CCDC9B: variants seen among roughly 807,000 people sequenced by gnomAD.
The protein encoded by CCDC9B is coiled-coil domain-containing protein 9B.
A neutral mutation model predicts 47.2 loss-of-function variants in CCDC9B; 40 were observed. That is an observed-to-expected ratio of 0.85 (90% CI 0.66 to 1.10). CCDC9B has a LOEUF of 1.10. CCDC9B is among the 50% of genes least tolerant of loss of function. The probability of loss-of-function intolerance (pLI) is 0.00; values close to 1 mark genes in which losing one functional copy is unlikely to be tolerated. For missense variants in CCDC9B, 662 were observed against 651.0 expected (o/e 1.02, Z -0.18); for synonymous variants, 238 against 250.7 (o/e 0.95, Z 0.48).
Position 40,335,567 on chromosome 15 carries a change from T to G in CCDC9B, c.1064A>C (p.Glu355Ala). 1 of 1,502,134 alleles carries G rather than the reference T, an allele frequency of 6.7e-7. No individual in the cohort carries two copies. Among genetic ancestry groups the G allele is most frequent in the Non-Finnish European group, 8.9e-7 (1 of 1,124,596 alleles). 93.1% of individuals were successfully genotyped at this position (1,502,134 alleles called of 1,614,324 possible). Reference protein sequence around the residue: ...ALASPEGPKGESVASTASSVP... With the variant: ...ALASPEGPKGASVASTASSVP... ...TGAGCTGGCTGTGGAAGCCACTGACTCCCCCTTCGGCCCCTCTGGGGATGC... is the reference window on the plus strand; with the variant it reads ...TGAGCTGGCTGTGGAAGCCACTGACGCCCCCTTCGGCCCCTCTGGGGATGC... Residue 355 changes from glutamate (E) to alanine (A), a missense_variant, in exon 11 of 11, where the codon GAG (glutamate) becomes GCG (alanine). Glu to Ala is a moderately radical substitution (Grantham distance 107, BLOSUM62 -1). Coordinates refer to ENST00000397536, the MANE Select transcript of CCDC9B (RefSeq NM_207380.3).
chr15:40,337,377 T>C lies in CCDC9B; in HGVS notation c.742+11A>G, dbSNP rs749800945. On this transcript the variant is annotated intron_variant, in intron 7 of 10. Transcript: ENST00000397536. ...CCAAGGAGGGGAGGGATGAGGTAGG[T>C]GTGGGCTCACCCCTTCTGCTGCCTG... 2 of 1,610,954 alleles carry C rather than the reference T, an allele frequency of 1.2e-6. No individual in the cohort carries two copies.
rs768534388 is a variant in CCDC9B, at chr15:40,337,843, G to C, written c.564C>G (p.Gly188=). Residue 188 remains glycine (G), a synonymous_variant, in exon 6 of 11, where the codon GGC becomes GGG. Transcript: ENST00000397536. ...SRPVGEPPEA[G]WDYAQWKQER... is the part of the protein sequence containing the mutation. ...CCTGCTTCCACTGGGCATAGTCCCA[G>C]CCCGCCTCCGGGGGCTCCCCCACCG... The C allele has an allele frequency of 3.7e-6, 6 of 1,608,714 alleles. No individual in the cohort carries two copies. Among genetic ancestry groups the C allele is most frequent in the Non-Finnish European group, 5.1e-6 (6 of 1,178,692 alleles).
chr15:40,337,011 C>T (rs567663808), intron 7 of CCDC9B, 198 bp from the exon 8 acceptor site: 12 of 602,166 alleles, frequency 2.0e-5, no homozygotes, highest in Non-Finnish European at 3.5e-5. Context: ...GTGTCTGGCC[C>T]CAACTCTCAG....
rs372845830 is a variant in CCDC9B, at chr15:40,337,857, G to A, written c.550C>T (p.Pro184Ser). The change falls in exon 6 of 11, where the codon CCC (proline) becomes TCC (serine). Residue 184 changes from proline (P) to serine (S), a missense_variant. Coordinates refer to ENST00000397536, the MANE Select transcript of CCDC9B (RefSeq NM_207380.3). ...GCATAGTCCCAGCCCGCCTCCGGGGGCTCCCCCACCGGCCGGCTCCAGGGC... is the reference window on the plus strand; with the variant it reads ...GCATAGTCCCAGCCCGCCTCCGGGGACTCCCCCACCGGCCGGCTCCAGGGC... ...WEPWSRPVGE[P>S]PEAGWDYAQW... 2.7e-5 allele frequency: 43 copies of A among 1,606,972 alleles called. 1 individual carries two copies. In the African/African-American group the frequency reaches 3.6e-4, roughly 13 times the overall value.
Position 40,340,028 on chromosome 15 carries a change from G to A in CCDC9B, c.13-13C>T. 1 of 1,578,306 alleles carries A rather than the reference G, an allele frequency of 6.3e-7. No homozygotes were observed. Among genetic ancestry groups the A allele is most frequent in the Non-Finnish European group, 8.7e-7 (1 of 1,150,994 alleles). ...CTCTGGGAGTTCCCTGCAGAGGCAG[G>A]GAACCCAAGCTCCTGACTTCCGGGT... is the stretch of plus-strand genomic sequence containing the variant. On this transcript the variant is annotated splice_polypyrimidine_tract_variant and intron_variant, in intron 1 of 10. Transcript: ENST00000397536.
At chr15:40,339,653 G>A in intron 2 of CCDC9B, 34 bp from the exon 3 acceptor site, 2 of 1,610,018 alleles carry the variant, frequency 1.2e-6, no homozygotes, top group Non-Finnish European at 1.7e-6. Context: ...ACACGCCATG[G>A]CCCCCCAGGT....
Position 40,333,140 on chromosome 15 carries a change from A to G in CCDC9B, c.*2018T>C, listed in dbSNP as rs764206296. 7 of 152,100 alleles carry G rather than the reference A, an allele frequency of 4.6e-5. No individual in the cohort carries two copies. Among genetic ancestry groups the G allele is most frequent in the East Asian group, 3.9e-4 (2 of 5,186 alleles). 9.4% of individuals were successfully genotyped at this position (152,100 alleles called of 1,614,324 possible). ...GGGGTAGCACTCCCCCATCCCCTAC[A>G]TAGCCAGCCACCAACCTTTAGAGTC... On this transcript the variant is annotated 3_prime_UTR_variant, in exon 11 of 11. Coordinates refer to ENST00000397536, the MANE Select transcript of CCDC9B (RefSeq NM_207380.3).
Position 40,335,206 on chromosome 15 carries a change from T to C in CCDC9B, c.1425A>G (p.Ala475=). The C allele has an allele frequency of 6.4e-7, 1 of 1,563,124 alleles. No homozygotes were observed. The highest frequency in any genetic ancestry group is 8.7e-7 in the Non-Finnish European group (1 of 1,152,862). The part of the protein sequence containing the change: ...RGGSQRSRGT[A]GVRRRTGRPG... ...GGCGCCCTGTCCTGCGCCTCACACC[T>C]GCTGTGCCTCTCGACCTTTGGCTGC... Residue 475 remains alanine, a synonymous_variant, in exon 11 of 11, where the codon GCA becomes GCG. Coordinates refer to ENST00000397536, the MANE Select transcript of CCDC9B (RefSeq NM_207380.3).
At chr15:40,337,948 G>A in intron 5 of CCDC9B, 55 bp from the exon 6 acceptor site, 1 of 1,529,588 alleles carries the variant, frequency 6.5e-7, no homozygotes, top group Non-Finnish European at 8.9e-7. Flanking sequence ...GGCTTGGGGT[G>A]GGGTTTGGAG....
Position 40,333,566 on chromosome 15 carries a change from T to TGAAAAAAAAAAAAAAAAAAA in CCDC9B, c.*1591_*1592insTTTTTTTTTTTTTTTTTTTC, listed in dbSNP as rs1888897361. On this transcript the variant is annotated 3_prime_UTR_variant, in exon 11 of 11. Transcript: ENST00000397536. ...TAGGTGATAACAGCAGGACCCTAAC[T>TGAAAAAAAAAAAAAAAAAAA]AAAAAAAAAAAAAAAAAAAAAAGAC... is the stretch of plus-strand genomic sequence containing the variant. 1 of 65,530 alleles carries TGAAAAAAAAAAAAAAAAAAA rather than the reference T, an allele frequency of 1.5e-5. No individual in the cohort carries two copies. The highest frequency in any genetic ancestry group is 6.8e-5 in the African/African-American group (1 of 14,710). 4.1% of individuals were successfully genotyped at this position (65,530 alleles called of 1,614,324 possible). A position where few individuals can be genotyped will look rare whatever the true frequency, so the allele number is the denominator to read the frequency against.
chr15:40,331,625 G>A lies in CCDC9B; in HGVS notation c.*3533C>T, dbSNP rs1466195081. ...CTGCTTAGCTTACGAGATTAGGCAC[G>A]TTCAGGGTGGTATGGCCGTAGACTA... On this transcript the variant is annotated 3_prime_UTR_variant, in exon 11 of 11. Coordinates refer to ENST00000397536, the MANE Select transcript of CCDC9B (RefSeq NM_207380.3). The A allele has an allele frequency of 2.0e-5, 3 of 152,362 alleles. No homozygotes were observed. The highest frequency in any genetic ancestry group is 1.9e-4 in the East Asian group (1 of 5,188). The allele number at this position is 152,362 out of a possible 1,614,324, so 9.4% of individuals were successfully genotyped here.
chr15:40,339,540 AG>A lies in CCDC9B; in HGVS notation c.202del (p.Leu68SerfsTer28), dbSNP rs767601134. On this transcript the variant is annotated frameshift_variant, in exon 3 of 11. Transcript: ENST00000397536. LOFTEE classifies it high-confidence loss of function. ...TTPALLQPDG[L>X]TVTISQVPGE... Reference sequence around the variant, plus strand: ...GGGAACCTGGCTGATGGTAACGGTGAGGCCATCAGGCTGGAGGAGTGCTGGT... The same window carrying A: ...GGGAACCTGGCTGATGGTAACGGTGAGCCATCAGGCTGGAGGAGTGCTGGT... The A allele has an allele frequency of 6.2e-7, 1 of 1,613,764 alleles. No individual in the cohort carries two copies. The highest frequency in any genetic ancestry group is 2.2e-5 in the East Asian group (1 of 44,860).
At chr15:40,337,148 T>G in intron 7 of CCDC9B, 2 of 645,836 alleles carry the variant, frequency 3.1e-6, no homozygotes, top group South Asian at 3.7e-5. Flanking sequence ...CGGGCCGGCT[T>G]CCACTGAGCC....
intron 3 of CCDC9B, 66 bp from the exon 4 acceptor site, chr15:40,338,969 C>T (rs192837747): frequency 5.1e-6 from 8 of 1,583,614 alleles, no homozygotes; most frequent in East Asian, 4.5e-5. Flanking sequence ...TGGGTCCTCT[C>T]GGTGGTTCCC....
chr15:40,339,767 C>G, intron 2 of CCDC9B, 138 bp downstream of exon 2: 1 of 1,443,074 alleles, frequency 6.9e-7, no homozygotes, highest in South Asian at 1.3e-5. Flanking sequence ...CACCAAGCCT[C>G]TAAGAGGGAC....
chr15:40,339,040 G>A, intron 3 of CCDC9B, 137 bp from the exon 4 acceptor site: 1 of 981,402 alleles, frequency 1.0e-6, no homozygotes, highest in Non-Finnish European at 1.6e-6. Flanking sequence ...GACTCCCACA[G>A]GGTGTTCACA....
In CCDC9B at chr15:40,338,864, A is replaced by G; in HGVS notation, c.271T>C (p.Cys91Arg). The G allele has an allele frequency of 1.9e-6, 3 of 1,614,122 alleles. No individual in the cohort carries two copies. The highest frequency in any genetic ancestry group is 1.6e-4 in the Middle Eastern group (1 of 6,062). The change falls in exon 4 of 11, where the codon TGT (cysteine) becomes CGT (arginine). Residue 91 changes from cysteine (C) to arginine (R), a missense_variant. Cys to Arg is a radical substitution (Grantham distance 180). Coordinates refer to ENST00000397536, the MANE Select transcript of CCDC9B (RefSeq NM_207380.3). ...VVSRNWARGT[C>R]GPRVTNEMLE... is the part of the protein sequence containing the mutation. ...ATCTCGTTGGTCACTCTGGGTCCAC[A>G]GGTACCCCTTGCCCAGTTCCTGCTA...
rs1281889723 is a variant in CCDC9B, at chr15:40,335,512, C to T, written c.1119G>A (p.Leu373=). 6.4e-7 allele frequency: 1 copy of T among 1,560,132 alleles called. No homozygotes were observed. Among genetic ancestry groups the T allele is most frequent in the Non-Finnish European group, 8.7e-7 (1 of 1,150,562 alleles). The part of the protein sequence containing the change: ...SVPCSPQEPD[L]APLDLSLGGA... ...CTCCTAGGGAGAGGTCAAGAGGAGC[C>T]AAGTCAGGCTCCTGTGGAGAGCAGG... The change falls in exon 11 of 11, where the codon TTG becomes TTA. Residue 373 remains leucine, a synonymous_variant. Transcript: ENST00000397536.
intron 3 of CCDC9B, 54 bp downstream of exon 3, chr15:40,339,458 G>T: frequency 6.4e-7 from 1 of 1,574,472 alleles, no homozygotes; most frequent in Non-Finnish European, 8.7e-7. Flanking sequence ...TCCCCGACAT[G>T]GTCTGGGCCT....
Sources: gnomAD v4.1 joint callset for allele counts on GRCh38, gnomAD v4.1.1 for gene constraint, MANE v1.5 for transcripts, NCBI Gene and HGNC (gene_info 2026-07-23, HGNC 2026-07-21) for gene names.